The following SAMSN1 variants were observed in gnomAD, a reference collection of about 807,000 sequenced individuals.
The protein encoded by SAMSN1 is SAM domain, SH3 domain and nuclear localization signals 1.
SAMSN1 carries 31 observed loss-of-function variants against 42.0 expected under a neutral mutation model. The ratio of observed to expected loss-of-function variants is 0.74; its 90% CI spans 0.55 to 1.00. The LOEUF is 1.00. Ranked by LOEUF, SAMSN1 falls within the 50% of genes least tolerant of loss-of-function variation. The probability of loss-of-function intolerance (pLI) is 0.00; values close to 1 mark genes in which losing one functional copy is unlikely to be tolerated. For synonymous variants in SAMSN1, 178 were observed against 151.9 expected, an observed-to-expected ratio of 1.17 and a Z score of -1.26; for missense variants, 464 against 439.4, an observed-to-expected ratio of 1.06 and a Z score of -0.50.
chr21:14,535,488 C>T (rs968527306), intron 1 of SAMSN1, among the ~76,000 whole-genome samples: 11 of 152,118 alleles, frequency 7.2e-5, no homozygotes, highest in African/African-American at 2.7e-4. Context: ...ATCCTCACTT[C>T]CAATTAGTAC....
chr21:14,576,232 G>A (rs1160215749), intron 2 of SAMSN1, among the ~76,000 whole-genome samples: 1 of 152,092 alleles, frequency 6.6e-6, no homozygotes, highest in Non-Finnish European at 1.5e-5. Context: ...ATTAATCAGG[G>A]TAGCATTTAT....
intron 6 of SAMSN1, among the ~76,000 whole-genome samples, chr21:14,601,660 G>A (rs1982435506): frequency 6.6e-6 from 1 of 152,134 alleles, no homozygotes; most frequent in Admixed American, 6.5e-5. Flanking sequence ...GCTAATTAAT[G>A]CAGTTTTGAA....
intron 1 of SAMSN1, among the ~76,000 whole-genome samples, chr21:14,522,173 C>T (rs1203135607): frequency 6.6e-6 from 1 of 152,152 alleles, no homozygotes; most frequent in Non-Finnish European, 1.5e-5. Context: ...ATACCTTTTG[C>T]TTACAAAGCT....
At chr21:14,644,505 A>C (rs914739960) in intron 1 of SAMSN1, among the ~76,000 whole-genome samples, 1 of 152,076 alleles carries the variant, frequency 6.6e-6, no homozygotes. Context: ...TGGGCCCTGA[A>C]TAGCCAGCAG....
At chr21:14,509,363 AG>A in intron 5 of SAMSN1, among the ~76,000 whole-genome samples, 1 of 152,272 alleles carries the variant, frequency 6.6e-6, no homozygotes, top group Non-Finnish European at 1.5e-5. Flanking sequence ...GAAGATGCAA[AG>A]GCATAGGAAT....
intron 4 of SAMSN1, among the ~76,000 whole-genome samples, chr21:14,511,263 C>T (rs1240329147): frequency 6.6e-6 from 1 of 152,192 alleles, no homozygotes; most frequent in Admixed American, 6.5e-5. Context: ...AGATGAGTTG[C>T]ATCTAATCAC....
intron 7 of SAMSN1, chr21:14,591,618 A>G (rs755934782): frequency 3.3e-5 from 5 of 152,328 alleles, no homozygotes; most frequent in Non-Finnish European, 5.9e-5. Flanking sequence ...ATAAAATTCA[A>G]TGATTATTCA....
At chr21:14,520,952 T>C (rs1431223879) in intron 2 of SAMSN1, among the ~76,000 whole-genome samples, 198 bp downstream of exon 2, 1 of 152,182 alleles carries the variant, frequency 6.6e-6, no homozygotes, top group Non-Finnish European at 1.5e-5. Flanking sequence ...TAAATTTTCC[T>C]GGTCGTGTGA....
chr21:14,631,389 C>G (rs1194576537), intron 2 of SAMSN1, among the ~76,000 whole-genome samples: 1 of 152,076 alleles, frequency 6.6e-6, no homozygotes, highest in African/African-American at 2.4e-5. Context: ...AAGAACTTGT[C>G]CAAGGTGGGA....
intron 1 of SAMSN1, among the ~76,000 whole-genome samples, chr21:14,541,407 T>C (rs1219837318): frequency 6.6e-6 from 1 of 152,128 alleles, no homozygotes; most frequent in Admixed American, 6.5e-5. Flanking sequence ...TGTATTACCC[T>C]GTAGCCCATG....
intron 3 of SAMSN1, among the ~76,000 whole-genome samples, chr21:14,513,753 T>C (rs1987790310): frequency 6.6e-6 from 1 of 152,180 alleles, no homozygotes; most frequent in South Asian, 2.1e-4. Flanking sequence ...ATGTAACTTA[T>C]GTGAAGCTTT....
chr21:14,636,870 AC>A (rs1192157959), intron 2 of SAMSN1, among the ~76,000 whole-genome samples: 4 of 152,216 alleles, frequency 2.6e-5, no homozygotes, highest in Non-Finnish European at 4.4e-5. Flanking sequence ...TCTCAAAAAA[AC>A]AAACAAAAAA....
chr21:14,651,432 C>T (rs1173461581), intron 1 of SAMSN1, among the ~76,000 whole-genome samples: 1 of 151,904 alleles, frequency 6.6e-6, no homozygotes, highest in South Asian at 2.1e-4. Flanking sequence ...AGTTTAAAAA[C>T]AATATTATTA....
chr21:14,605,205 C>G (rs1982534673), intron 5 of SAMSN1, among the ~76,000 whole-genome samples: 1 of 152,212 alleles, frequency 6.6e-6, no homozygotes, highest in African/African-American at 2.4e-5. Context: ...ACCATAATCT[C>G]AGGAAGAACT....
intron 1 of SAMSN1, among the ~76,000 whole-genome samples, chr21:14,651,342 A>G (rs1239420860): frequency 6.6e-6 from 1 of 152,066 alleles, no homozygotes; most frequent in Non-Finnish European, 1.5e-5. Context: ...TCATCGTCCA[A>G]GTGAGATTTA....
chr21:14,581,122 A>G (rs1372247022), intron 2 of SAMSN1, among the ~76,000 whole-genome samples: 1 of 152,070 alleles, frequency 6.6e-6, no homozygotes, highest in Non-Finnish European at 1.5e-5. Context: ...GTTTGACTCC[A>G]GAGAGCATAC....
At chr21:14,645,554 T>C (rs1433368423) in intron 1 of SAMSN1, among the ~76,000 whole-genome samples, 1 of 152,098 alleles carries the variant, frequency 6.6e-6, no homozygotes, top group Non-Finnish European at 1.5e-5. Flanking sequence ...CTACAAATAA[T>C]CCAAGACAGT....
At chr21:14,539,874 C>T (rs979066164) in intron 1 of SAMSN1, among the ~76,000 whole-genome samples, 57 of 152,274 alleles carry the variant, frequency 3.7e-4, no homozygotes, top group Non-Finnish European at 7.5e-4. Flanking sequence ...GGAGGCATCA[C>T]GCTACCTGAC....
rs555392212 is a variant in SAMSN1, at chr21:14,530,055, G to T, written c.58-8834C>A. Reference sequence around the variant, plus strand: ...AATCTGGCCGGGCGCAGTGGCTCACGCCTGCAATCCCAGCACTTTGGGAGG... The same window carrying T: ...AATCTGGCCGGGCGCAGTGGCTCACTCCTGCAATCCCAGCACTTTGGGAGG... On this transcript the variant is annotated intron_variant, in intron 1 of 7. Transcript: ENST00000400566. 9.2e-5 allele frequency among the ~76,000 whole-genome samples: 14 copies of T among 152,252 alleles called. No homozygotes were observed. In the South Asian group the frequency reaches 2.1e-3, roughly 23 times the overall value.
Sources: allele counts gnomAD v4.1 joint callset (sites outside exome capture counted in the v4.1 genomes callset), GRCh38; gene constraint gnomAD v4.1.1; transcripts MANE v1.5; gene names NCBI Gene and HGNC (gene_info 2026-07-23, HGNC 2026-07-21).